Variants in CSMD1 observed in about 807,000 individuals in gnomAD.
CSMD1 encodes CUB and sushi domain-containing protein 1.
In CSMD1, 213 loss-of-function variants were observed where a neutral mutation model predicts 417.5. That is an observed-to-expected ratio of 0.51 (90% CI 0.46 to 0.57). The LOEUF (loss-of-function observed/expected upper bound fraction) is 0.57, where lower values mean the gene tolerates loss of function less well. Ranked by LOEUF, CSMD1 falls within the 20% of genes least tolerant of loss-of-function variation. CSMD1 has a pLI of 0.00. For synonymous variants in CSMD1, 2,862 were observed against 1,736.8 expected (o/e 1.65, Z -16.11); for missense variants, 6,923 against 4,529.7 (o/e 1.53, Z -15.17).
At chr8:4,175,687 T>G (rs894894594) in intron 3 of CSMD1, among the ~76,000 whole-genome samples, 1 of 152,152 alleles carries the variant, frequency 6.6e-6, no homozygotes, top group Non-Finnish European at 1.5e-5. Flanking sequence ...ATATACATAA[T>G]GTCCTCACAG....
At position 3,307,837 on chromosome 8, in the gene CSMD1, A is replaced by C; in HGVS notation, c.3824-16T>G. 6.2e-7 allele frequency: 1 copy of C among 1,606,868 alleles called. No individual in the cohort carries two copies. The highest frequency in any genetic ancestry group is 8.5e-7 in the Non-Finnish European group (1 of 1,177,614). ...CCACATTCCGCTGTAGAAGACACAG[A>C]GAGATGGGAACGTTCAGCTTCAGGC... On this transcript the variant is annotated splice_polypyrimidine_tract_variant and intron_variant, in intron 24 of 69. Coordinates refer to ENST00000635120, the MANE Select transcript of CSMD1 (RefSeq NM_033225.6).
rs1446807928 is a variant in CSMD1 at position 4,864,027 on chromosome 8, T to C, written c.85+130305A>G. On this transcript the variant is annotated intron_variant, in intron 1 of 69. Transcript: ENST00000635120. ...TATATGGCAATATGCTTTACATTAA[T>C]AGCATGTTTATTTCATGGACCACTT... Among the ~76,000 whole-genome samples the C allele has an allele frequency of 2.6e-5, 4 of 152,040 alleles. 1 individual carries two copies. The highest frequency in any genetic ancestry group is 7.2e-5 in the African/African-American group (3 of 41,380).
chr8:4,140,447 A>C (rs1803717148), intron 3 of CSMD1, among the ~76,000 whole-genome samples: 1 of 150,882 alleles, frequency 6.6e-6, no homozygotes, highest in Admixed American at 6.6e-5. Context: ...GCCGTGAGCC[A>C]AGATCAAACA....
At chr8:3,890,782 G>A (rs1806917971) in intron 5 of CSMD1, among the ~76,000 whole-genome samples, 1 of 152,052 alleles carries the variant, frequency 6.6e-6, no homozygotes, top group South Asian at 2.1e-4. Context: ...GCAAATTTTT[G>A]TCCTCAGACA....
At chr8:4,197,797 T>G (rs4875307) in intron 3 of CSMD1, among the ~76,000 whole-genome samples, 2 of 151,934 alleles carry the variant, frequency 1.3e-5, no homozygotes, top group African/African-American at 4.8e-5. Context: ...GAGGATTGCT[T>G]GAACCCAGGA....
intron 7 of CSMD1, among the ~76,000 whole-genome samples, chr8:3,628,807 C>G (rs187394651): frequency 8.5e-5 from 13 of 152,234 alleles, no homozygotes; most frequent in African/African-American, 3.1e-4. Flanking sequence ...GCACACGTGT[C>G]CGAGCCAAGA....
chr8:3,199,663 G>T, intron 33 of CSMD1, 51 bp downstream of exon 33: 1 of 1,249,376 alleles, frequency 8.0e-7, no homozygotes, highest in Non-Finnish European at 1.1e-6. Flanking sequence ...CGTGGGTGCA[G>T]CATCAGGAAA....
At chr8:4,425,427 G>A (rs922717816) in intron 2 of CSMD1, among the ~76,000 whole-genome samples, 12 of 151,502 alleles carry the variant, frequency 7.9e-5, no homozygotes, top group Admixed American at 2.6e-4. Context: ...ACAGGGATGC[G>A]GAAGGATGAG....
intron 3 of CSMD1, among the ~76,000 whole-genome samples, chr8:4,061,149 C>T (rs1202789406): frequency 6.6e-6 from 1 of 152,180 alleles, no homozygotes; most frequent in African/African-American, 2.4e-5. Flanking sequence ...TCATCCCCAT[C>T]CTTGCCCCTT....
intron 12 of CSMD1, among the ~76,000 whole-genome samples, chr8:3,427,709 T>G (rs1813944538): frequency 6.6e-6 from 1 of 152,204 alleles, no homozygotes; most frequent in Non-Finnish European, 1.5e-5. Context: ...TTTTTCAAAT[T>G]CCATGGAAAT....
chr8:4,754,912 G>A (rs1395991579), intron 1 of CSMD1, among the ~76,000 whole-genome samples: 1 of 151,816 alleles, frequency 6.6e-6, no homozygotes, highest in African/African-American at 2.4e-5. Context: ...TCCAAGGTGG[G>A]TGGATCACAA....
intron 68 of CSMD1, among the ~76,000 whole-genome samples, chr8:2,943,481 G>A (rs1349500179): frequency 3.3e-5 from 5 of 152,112 alleles, no homozygotes; most frequent in Admixed American, 2.6e-4. Flanking sequence ...ACCTGCCTCG[G>A]CCTCGAAAAG....
intron 1 of CSMD1, among the ~76,000 whole-genome samples, chr8:4,753,745 C>T (rs1320399279): frequency 1.3e-5 from 2 of 152,192 alleles, no homozygotes; most frequent in African/African-American, 4.8e-5. Flanking sequence ...CAAGTATAAA[C>T]AGTTTACATT....
intron 2 of CSMD1, among the ~76,000 whole-genome samples, chr8:4,547,439 A>T (rs1403342817): frequency 3.3e-5 from 5 of 152,164 alleles, no homozygotes; most frequent in African/African-American, 1.2e-4. Context: ...CTAGCATCAG[A>T]TTGAAAAAGA....
At chr8:3,768,740 G>A (rs1451827013) in intron 5 of CSMD1, among the ~76,000 whole-genome samples, 1 of 152,168 alleles carries the variant, frequency 6.6e-6, no homozygotes, top group East Asian at 1.9e-4. Flanking sequence ...CAAACCAAAC[G>A]GATGTATCCC....
intron 6 of CSMD1, among the ~76,000 whole-genome samples, chr8:3,711,315 G>A (rs186207876): frequency 6.6e-6 from 1 of 152,268 alleles, no homozygotes; most frequent in Non-Finnish European, 1.5e-5. Flanking sequence ...TGACTCTTGT[G>A]GAAGACGAGG....
At chr8:4,668,607 G>T (rs969281156) in intron 1 of CSMD1, among the ~76,000 whole-genome samples, 9 of 151,586 alleles carry the variant, frequency 5.9e-5, no homozygotes, top group African/African-American at 1.9e-4. Flanking sequence ...CCGCCACCAC[G>T]CCTGGCTAAT....
chr8:4,532,751 C>A (rs1051473867), intron 2 of CSMD1, among the ~76,000 whole-genome samples: 1 of 149,510 alleles, frequency 6.7e-6, no homozygotes, highest in Non-Finnish European at 1.5e-5. Context: ...AAATCCTGCA[C>A]CCCCATTCAG....
At chr8:4,629,914 A>G (rs1029407632) in intron 2 of CSMD1, among the ~76,000 whole-genome samples, 3 of 152,130 alleles carry the variant, frequency 2.0e-5, no homozygotes, top group Non-Finnish European at 2.9e-5. Flanking sequence ...TTAACTTTCT[A>G]AGAGGAATAT....
Sources: gnomAD v4.1 joint callset for allele counts (sites outside exome capture counted in the v4.1 genomes callset) on GRCh38, gnomAD v4.1.1 for gene constraint, MANE v1.5 for transcripts, NCBI Gene and HGNC (gene_info 2026-07-23, HGNC 2026-07-21) for gene names.